MTCL1: variants seen among roughly 807,000 people sequenced by gnomAD.
The protein encoded by MTCL1 is microtubule cross-linking factor 1.
MTCL1 carries 79 observed loss-of-function variants against 141.4 expected under a neutral mutation model. The observed-to-expected ratio is 0.56, with a 90% CI of 0.47 to 0.67. MTCL1 has a LOEUF of 0.67. Ranked by LOEUF, MTCL1 falls within the 30% of genes least tolerant of loss-of-function variation. The pLI is 0.00. For missense variants in MTCL1, 2,177 were observed against 2,113.9 expected (o/e 1.03, Z -0.59); for synonymous variants, 914 against 875.8 (o/e 1.04, Z -0.77).
At chr18:8,814,836 A>G (rs1197305741) in intron 12 of MTCL1, among the ~76,000 whole-genome samples, 1 of 152,226 alleles carries the variant, frequency 6.6e-6, no homozygotes, top group African/African-American at 2.4e-5. Flanking sequence ...TTGGGAAGTC[A>G]CACCTTGGAT....
rs114723075 is a variant in MTCL1, at chr18:8,825,839, C to G, written c.4329C>G (p.Leu1443=). 3.0e-3 allele frequency: 4,917 copies of G among 1,614,212 alleles called. 65 individuals carry two copies. Among genetic ancestry groups the G allele is most frequent in the Admixed American group, 0.021 (1,241 of 60,026 alleles). Residue 1443 remains leucine (L), a synonymous_variant, in exon 15 of 17, where the codon CTC becomes CTG. Transcript: ENST00000359865. The stretch of plus-strand genomic sequence containing the variant: ...TGCACACCACCATTAATGATGGCCT[C>G]TCCAGCCTCTTCAACATCATTGACC...
chr18:8,721,852 C>G (rs1288565729), intron 4 of MTCL1, among the ~76,000 whole-genome samples: 4 of 152,246 alleles, frequency 2.6e-5, no homozygotes, highest in Non-Finnish European at 4.4e-5. Flanking sequence ...GGGGCTTTGT[C>G]TGGCTCACTG....
At chr18:8,784,719 T>A (rs143118025) in exon 6 of MTCL1, 2 of 1,614,212 alleles carry the variant, frequency 1.2e-6, no homozygotes, top group South Asian at 1.1e-5. Flanking sequence ...GTGAACCGCA[T>A]TGGGGATGGC....
intron 7 of MTCL1, chr18:8,789,805 G>C: frequency 2.9e-6 from 2 of 693,428 alleles, no homozygotes; most frequent in Non-Finnish European, 1.8e-6. Context: ...TTTTTTAGAA[G>C]ACATTTATGT....
At chr18:8,788,707 C>T (rs2075610159) in intron 7 of MTCL1, among the ~76,000 whole-genome samples, 1 of 152,212 alleles carries the variant, frequency 6.6e-6, no homozygotes, top group African/African-American at 2.4e-5. Context: ...CACCACCATT[C>T]ACTAAACCTG....
chr18:8,718,642 C>T, exon 3 of MTCL1: 1 of 1,612,700 alleles, frequency 6.2e-7, no homozygotes. Flanking sequence ...TGGAGCAGGA[C>T]TTGAAGGTGA....
rs1242062281 is a variant in MTCL1, at chr18:8,756,441, ATG to A, written c.358-21388_358-21387del. 4.2e-4 allele frequency among the ~76,000 whole-genome samples: 56 copies of A among 134,578 alleles called. 1 individual carries two copies. The highest frequency in any genetic ancestry group is 1.5e-3 in the African/African-American group (49 of 33,224). The allele number at this position is 134,578 out of a possible 152,430, so 88.3% of individuals were successfully genotyped here. On this transcript the variant is annotated intron_variant, in intron 4 of 16. Coordinates refer to ENST00000359865, the Ensembl canonical transcript of MTCL1. ...TGTATATATGTGTATATATGTATAT[ATG>A]TGTATATATGTGTATATATGTGTAT... is the stretch of plus-strand genomic sequence containing the variant.
chr18:8,715,472 A>G (rs1453422338), upstream of MTCL1, among the ~76,000 whole-genome samples: 6 of 152,342 alleles, frequency 3.9e-5, no homozygotes, highest in African/African-American at 1.4e-4. Context: ...GAGTCACTGT[A>G]TATTTGTATG....
intron 4 of MTCL1, among the ~76,000 whole-genome samples, chr18:8,771,510 T>G (rs2096485087): frequency 6.6e-6 from 1 of 152,178 alleles, no homozygotes. Flanking sequence ...AGCATCCTAA[T>G]TTTTATTTGT....
intron 11 of MTCL1, chr18:8,809,645 G>A (rs1028557751): frequency 1.2e-5 from 18 of 1,516,892 alleles, no homozygotes; most frequent in Non-Finnish European, 1.6e-5. Flanking sequence ...AGCAAGTAGA[G>A]AGTGGCCGGG....
rs1408397944 is a variant in MTCL1 at position 8,830,304 on chromosome 18, G to A, written c.*19-1303G>A. 3.6e-5 allele frequency: 35 copies of A among 985,350 alleles called. No individual in the cohort carries two copies. The highest frequency in any genetic ancestry group is 1.1e-4 in the East Asian group (1 of 8,828). The allele number at this position is 985,350 out of a possible 1,614,324, so 61.0% of individuals were successfully genotyped here. A position where few individuals can be genotyped will look rare whatever the true frequency, so the allele number is the denominator to read the frequency against. On this transcript the variant is annotated intron_variant, in intron 16 of 16. Transcript: ENST00000359865. This position sits in a 1 kb window ranked among gnomAD's most constrained non-coding sequence, Gnocchi z 6.4. ...GGAACAGAAGCTTCTCCCTGTGGCC[G>A]TATGAAGTTCCAGCCACAAAAGCAG...
chr18:8,773,055 A>G lies in MTCL1; in HGVS notation c.358-4778A>G, dbSNP rs116796262. 1.4e-3 allele frequency among the ~76,000 whole-genome samples: 213 copies of G among 152,334 alleles called. 2 individuals are homozygous for G. The highest frequency in any genetic ancestry group is 4.8e-3 in the African/African-American group (199 of 41,570). ...ACATCATGTTGTGTATCTTAAATAT[A>G]TACAATAAAATAAAAGGAAAAAATT... On this transcript the variant is annotated intron_variant, in intron 4 of 16. Coordinates refer to ENST00000359865, the Ensembl canonical transcript of MTCL1.
In MTCL1 at chr18:8,830,056, C is replaced by G. The variant is rs1464476362; in HGVS notation, c.*18+1092C>G. 2 of 985,272 alleles carry G rather than the reference C, an allele frequency of 2.0e-6. No individual in the cohort carries two copies. The highest frequency in any genetic ancestry group is 2.4e-6 in the Non-Finnish European group (2 of 829,980). 61.0% of individuals were successfully genotyped at this position (985,272 alleles called of 1,614,324 possible). A position where few individuals can be genotyped will look rare whatever the true frequency, so the allele number is the denominator to read the frequency against. On this transcript the variant is annotated intron_variant, in intron 16 of 16. Transcript: ENST00000359865. The surrounding 1 kb of genome is among the most constrained non-coding windows in gnomAD (Gnocchi z 6.4). The stretch of plus-strand genomic sequence containing the variant: ...ACACACAACACACACAGAACAGATA[C>G]ACAATACACAACACACACACTACTT...
chr18:8,761,301 A>G (rs575700593), intron 4 of MTCL1, among the ~76,000 whole-genome samples: 223 of 152,322 alleles, frequency 1.5e-3, no homozygotes, highest in Non-Finnish European at 1.8e-3. Context: ...TTATGACTGA[A>G]AATTTTTGAT....
intron 4 of MTCL1, among the ~76,000 whole-genome samples, chr18:8,723,585 C>T (rs572114445): frequency 6.6e-6 from 1 of 152,302 alleles, no homozygotes; most frequent in East Asian, 1.9e-4. Context: ...TCTCTGAAGC[C>T]CTAGACTGTT....
At position 8,830,345 on chromosome 18, in the gene MTCL1, A is replaced by G. The variant is rs2077157994; in HGVS notation, c.*19-1262A>G. On this transcript the variant is annotated intron_variant, in intron 16 of 16. Coordinates refer to ENST00000359865, the Ensembl canonical transcript of MTCL1. The surrounding 1 kb of genome is among the most constrained non-coding windows in gnomAD (Gnocchi z 6.4). ...ACAAAAGCAGCAGGGAGCATGAAGC[A>G]TAGTCTCCAGGGCCACTGTTCCTTT... 1 of 985,474 alleles carries G rather than the reference A, an allele frequency of 1.0e-6. No individual in the cohort carries two copies. The highest frequency in any genetic ancestry group is 1.1e-4 in the East Asian group (1 of 8,836). 61.0% of individuals were successfully genotyped at this position (985,474 alleles called of 1,614,324 possible). A position where few individuals can be genotyped will look rare whatever the true frequency, so the allele number is the denominator to read the frequency against.
chr18:8,737,499 T>G (rs575436512), intron 4 of MTCL1, among the ~76,000 whole-genome samples: 20 of 152,332 alleles, frequency 1.3e-4, no homozygotes, highest in African/African-American at 4.8e-4. Context: ...GGGCTGGCCA[T>G]CAGGGTGCAT....
chr18:8,826,849 A>G (rs2077043103), intron 15 of MTCL1, among the ~76,000 whole-genome samples: 1 of 152,256 alleles, frequency 6.6e-6, no homozygotes, highest in African/African-American at 2.4e-5. Context: ...CAATATGATT[A>G]TCATTATTGC....
At chr18:8,797,705 T>A (rs946877051) in intron 9 of MTCL1, among the ~76,000 whole-genome samples, 1 of 152,252 alleles carries the variant, frequency 6.6e-6, no homozygotes, top group African/African-American at 2.4e-5. Flanking sequence ...CTTGAAAAAC[T>A]AATTCCGCCA....
Sources: gnomAD v4.1 joint callset for allele counts (sites outside exome capture counted in the v4.1 genomes callset) on GRCh38, gnomAD v4.1.1 for gene constraint, Gnocchi (gnomAD v3.1) non-coding constraint, MANE v1.5 for transcripts, NCBI Gene and HGNC (gene_info 2026-07-23, HGNC 2026-07-21) for gene names.